Variants in MED13L observed in about 807,000 individuals in gnomAD.
The protein encoded by MED13L is mediator of RNA polymerase II transcription subunit 13-like.
MED13L carries 7 observed loss-of-function variants against 220.9 expected under a neutral mutation model. The observed-to-expected ratio is 0.03, with a 90% CI of 0.02 to 0.06. The LOEUF (loss-of-function observed/expected upper bound fraction) is 0.06. Among genes scored for constraint, MED13L ranks in the 10% least tolerant of loss-of-function variants. The pLI is 1.00. For synonymous variants in MED13L, 1,011 were observed against 1,015.2 expected (o/e 1.00, Z 0.08); for missense variants, 1,965 against 2,760.5 (o/e 0.71, Z 6.46).
chr12:116,122,889 T>C (rs1875220527), intron 2 of MED13L, among the ~76,000 whole-genome samples: 1 of 152,144 alleles, frequency 6.6e-6, no homozygotes, highest in Non-Finnish European at 1.5e-5. Flanking sequence ...TAAAACTAAA[T>C]TTCGAGATAA....
At chr12:116,238,531 C>G (rs1284362203) in intron 1 of MED13L, among the ~76,000 whole-genome samples, 1 of 152,178 alleles carries the variant, frequency 6.6e-6, no homozygotes, top group Non-Finnish European at 1.5e-5. Flanking sequence ...ATATTGAAAA[C>G]TAATAGTAAA....
At chr12:116,258,645 C>T (rs1047317555) in intron 1 of MED13L, among the ~76,000 whole-genome samples, 3 of 151,914 alleles carry the variant, frequency 2.0e-5, no homozygotes, top group African/African-American at 7.3e-5. Context: ...GGCATGGTGG[C>T]ATGCACTTGT....
At chr12:116,040,386 T>C (rs1054906482) in intron 4 of MED13L, among the ~76,000 whole-genome samples, 1 of 152,290 alleles carries the variant, frequency 6.6e-6, no homozygotes, top group South Asian at 2.1e-4. Context: ...TAATTAGTAA[T>C]CACAACTACA....
At chr12:116,018,622 G>T (rs1239575144) in intron 7 of MED13L, among the ~76,000 whole-genome samples, 2 of 152,026 alleles carry the variant, frequency 1.3e-5, no homozygotes, top group Non-Finnish European at 2.9e-5. Context: ...ACTCAATAAA[G>T]AAGGCAAAAA....
chr12:116,027,680 GGT>G (rs926525480), intron 4 of MED13L, among the ~76,000 whole-genome samples: 19 of 152,156 alleles, frequency 1.2e-4, no homozygotes, highest in African/African-American at 4.1e-4. Context: ...TGTCATATTT[GGT>G]GCTTAAGTCA....
intron 2 of MED13L, among the ~76,000 whole-genome samples, chr12:116,150,572 C>A (rs1394819075): frequency 1.3e-5 from 2 of 152,176 alleles, no homozygotes; most frequent in East Asian, 3.8e-4. Flanking sequence ...ACCTCTGCCA[C>A]TCAACTTCGC....
chr12:116,087,395 A>G (rs1871787938), intron 4 of MED13L, among the ~76,000 whole-genome samples: 1 of 152,254 alleles, frequency 6.6e-6, no homozygotes. Flanking sequence ...AAAGTCAACC[A>G]AAAGCAAAAA....
intron 2 of MED13L, among the ~76,000 whole-genome samples, chr12:116,215,854 C>G (rs1882959474): frequency 6.6e-6 from 1 of 152,158 alleles, no homozygotes; most frequent in South Asian, 2.1e-4. Flanking sequence ...GTCCCAGCCC[C>G]AATTTATTTA....
intron 2 of MED13L, among the ~76,000 whole-genome samples, chr12:116,231,367 C>T (rs1869541746): frequency 1.3e-5 from 2 of 152,136 alleles, no homozygotes; most frequent in African/African-American, 4.8e-5. Flanking sequence ...CACAACATCA[C>T]CTACTCAGTA....
intron 2 of MED13L, among the ~76,000 whole-genome samples, chr12:116,206,337 T>C (rs1343780195): frequency 6.6e-6 from 1 of 152,130 alleles, no homozygotes; most frequent in Non-Finnish European, 1.5e-5. Context: ...TAGGTATTAT[T>C]ATATTTCAGA....
At chr12:116,180,325 G>A (rs1272677722) in intron 2 of MED13L, among the ~76,000 whole-genome samples, 1 of 152,156 alleles carries the variant, frequency 6.6e-6, no homozygotes, top group Admixed American at 6.5e-5. Context: ...GATACCACAA[G>A]CGAAAAATTC....
chr12:116,034,919 C>T (rs1168907981), intron 4 of MED13L, among the ~76,000 whole-genome samples: 1 of 152,126 alleles, frequency 6.6e-6, no homozygotes, highest in Non-Finnish European at 1.5e-5. Flanking sequence ...GCAGAAGAAT[C>T]ACTTGAACCT....
chr12:116,119,750 A>C (rs1394785483), intron 2 of MED13L, among the ~76,000 whole-genome samples: 1 of 146,204 alleles, frequency 6.8e-6, no homozygotes, highest in African/African-American at 2.5e-5. Flanking sequence ...GGCTGCAGTA[A>C]GCTATGATGG....
chr12:116,238,739 A>C (rs1276399930), intron 1 of MED13L, among the ~76,000 whole-genome samples: 1 of 152,232 alleles, frequency 6.6e-6, no homozygotes, highest in African/African-American at 2.4e-5. Context: ...TAAAGCAATC[A>C]ATCACTATAA....
At chr12:116,220,267 C>T (rs1883233016) in intron 2 of MED13L, among the ~76,000 whole-genome samples, 1 of 152,176 alleles carries the variant, frequency 6.6e-6, no homozygotes, top group African/African-American at 2.4e-5. Flanking sequence ...ATCTGAATTA[C>T]TATTTAAATT....
At chr12:116,083,997 A>T (rs1871417171) in intron 4 of MED13L, among the ~76,000 whole-genome samples, 1 of 152,344 alleles carries the variant, frequency 6.6e-6, no homozygotes, top group African/African-American at 2.4e-5. Context: ...TAATGCTTGA[A>T]TTTTATAGCA....
intron 1 of MED13L, among the ~76,000 whole-genome samples, chr12:116,244,594 T>C (rs1349957881): frequency 6.6e-6 from 1 of 152,088 alleles, no homozygotes; most frequent in Admixed American, 6.5e-5. Flanking sequence ...ATACAGGTAT[T>C]TTGGAAGTAG....
In MED13L at chr12:116,008,966, G is replaced by T. The variant is rs558160659; in HGVS notation, c.1447C>A (p.Pro483Thr). 5.0e-5 allele frequency: 80 copies of T among 1,614,104 alleles called. 1 individual carries two copies. The South Asian group carries it at 8.6e-4, about 17-fold the overall frequency. ...GGCCTATGGTGAAATGGTATTAAGG[G>T]TCTCTTTTGCAGCTTGTCTCCTTTT... ...QEKGDKLQKR[P>T]LIPFHHRPSV... is the part of the protein sequence containing the mutation. Residue 483 changes from proline to threonine, a missense_variant, in exon 10 of 31, where the codon CCC (proline) becomes ACC (threonine). Pro to Thr is a conservative substitution (Grantham distance 38). This residue lies in a region of MED13L where 818 missense variants were observed against 1,041.2 expected (regional missense o/e 0.79). Transcript: ENST00000281928.
intron 16 of MED13L, 81 bp downstream of exon 16, chr12:115,996,395 G>A: frequency 6.6e-7 from 1 of 1,516,000 alleles, no homozygotes; most frequent in Non-Finnish European, 9.2e-7. Flanking sequence ...CCCGGACCTT[G>A]TCATCATTTT....
Sources: allele counts gnomAD v4.1 joint callset (sites outside exome capture counted in the v4.1 genomes callset), GRCh38; gene constraint gnomAD v4.1.1; regional missense constraint gnomAD v4.1.1; transcripts MANE v1.5; gene names NCBI Gene and HGNC (gene_info 2026-07-23, HGNC 2026-07-21).